Variants in DLGAP4 observed in about 807,000 individuals in gnomAD.
DLGAP4 encodes the protein disks large-associated protein 4.
Under a neutral mutation model 86.9 loss-of-function variants are expected in DLGAP4, and 18 were observed. The observed-to-expected ratio is 0.21, with a 90% CI of 0.14 to 0.31. The LOEUF (loss-of-function observed/expected upper bound fraction) is 0.31, where lower values mean the gene tolerates loss of function less well. Among genes scored for constraint, DLGAP4 ranks in the 10% least tolerant of loss-of-function variants. The pLI is 1.00. For missense variants in DLGAP4, 1,085 were observed against 1,362.6 expected (o/e 0.80, Z 3.21); for synonymous variants, 548 against 574.3 (o/e 0.95, Z 0.65).
chr20:36,462,326 C>A, intron 7 of DLGAP4: 1 of 1,353,324 alleles, frequency 7.4e-7, no homozygotes, highest in Non-Finnish European at 9.4e-7. Flanking sequence ...TTCTCGGGAT[C>A]GGGGTCCCCT....
At chr20:36,461,744 T>TCCGTCCGTCCGC in intron 7 of DLGAP4, 2 of 899,810 alleles carry the variant, frequency 2.2e-6, no homozygotes, top group South Asian at 1.1e-4. Context: ...CGTCCGTCCG[T>TCCGTCCGTCCGC]CCGTCCGCCC....
intron 6 of DLGAP4, 57 bp downstream of exon 6, chr20:36,442,834 A>G: frequency 6.2e-7 from 1 of 1,609,720 alleles, no homozygotes; most frequent in South Asian, 1.1e-5. Context: ...CCTGGGCCTT[A>G]GGCCTGCCCT....
At chr20:36,507,343 T>C (rs535739868) in intron 10 of DLGAP4, among the ~76,000 whole-genome samples, 47 of 152,258 alleles carry the variant, frequency 3.1e-4, no homozygotes, top group African/African-American at 9.9e-4. Flanking sequence ...TTCTCGTGCC[T>C]CAGCCTCCTG....
At chr20:36,317,223 T>TTTCTTTCTTTCTTTCTTTC (rs2065109374) in intron 1 of DLGAP4, among the ~76,000 whole-genome samples, 1 of 93,716 alleles carries the variant, frequency 1.1e-5, no homozygotes, top group African/African-American at 4.0e-5. Flanking sequence ...TCCTCTCCTT[T>TTTCTTTCTTTCTTTCTTTC]TTTCTTTCTT....
At chr20:36,369,878 C>G (rs537839524) in intron 2 of DLGAP4, among the ~76,000 whole-genome samples, 23 of 152,218 alleles carry the variant, frequency 1.5e-4, no homozygotes, top group African/African-American at 5.3e-4. Flanking sequence ...TTTTTTATCT[C>G]CTTGAATCCT....
At chr20:36,413,993 G>C (rs141748056) in intron 2 of DLGAP4, among the ~76,000 whole-genome samples, 1 of 152,168 alleles carries the variant, frequency 6.6e-6, no homozygotes, top group African/African-American at 2.4e-5. Flanking sequence ...GGTCAAATAG[G>C]GTCCAGACCT....
chr20:36,349,986 G>A (rs1414421126), intron 1 of DLGAP4, among the ~76,000 whole-genome samples: 1 of 152,150 alleles, frequency 6.6e-6, no homozygotes, highest in Non-Finnish European at 1.5e-5. Flanking sequence ...GCCCCATCAG[G>A]CACAGCTGTG....
intron 2 of DLGAP4, among the ~76,000 whole-genome samples, chr20:36,417,069 A>T (rs1239358894): frequency 6.6e-6 from 1 of 152,196 alleles, no homozygotes. Context: ...GTGAGGAGCC[A>T]AGCAGGATAA....
At position 36,476,687 on chromosome 20, in the gene DLGAP4, AT is replaced by A. The variant is rs74173983; in HGVS notation, c.1649-20002del. ...TCTAGGTATCTCATTCACTAGCCCAATTTTTTTTTTTTTTTTGGTTTTTTTT... is the reference window on the plus strand; with the variant it reads ...TCTAGGTATCTCATTCACTAGCCCAATTTTTTTTTTTTTTTGGTTTTTTTT... On this transcript the variant is annotated intron_variant, in intron 7 of 12. Coordinates refer to ENST00000339266, the MANE Select transcript of DLGAP4 (RefSeq NM_001365621.2). 1.5e-3 allele frequency among the ~76,000 whole-genome samples: 133 copies of A among 91,552 alleles called. 1 individual carries two copies. The highest frequency in any genetic ancestry group is 4.6e-3 in the African/African-American group (95 of 20,814). 60.1% of individuals were successfully genotyped at this position (91,552 alleles called of 152,430 possible). A position where few individuals can be genotyped will look rare whatever the true frequency, so the allele number is the denominator to read the frequency against.
intron 1 of DLGAP4, among the ~76,000 whole-genome samples, chr20:36,339,555 TA>T (rs1348747235): frequency 6.6e-6 from 1 of 152,196 alleles, no homozygotes; most frequent in African/African-American, 2.4e-5. Context: ...TAATGTTTTT[TA>T]AAAAAATTTT....
intron 2 of DLGAP4, among the ~76,000 whole-genome samples, chr20:36,423,557 T>C (rs571130035): frequency 6.6e-6 from 1 of 151,674 alleles, no homozygotes; most frequent in African/African-American, 2.4e-5. Flanking sequence ...CCTGGAAGCT[T>C]TGGCCTGTCC....
chr20:36,314,038 G>A (rs1216800270), intron 1 of DLGAP4, among the ~76,000 whole-genome samples: 1 of 152,110 alleles, frequency 6.6e-6, no homozygotes. Flanking sequence ...GTGAAGGGGT[G>A]TCGGCATCTG....
intron 3 of DLGAP4, among the ~76,000 whole-genome samples, chr20:36,433,946 A>AT (rs796868709): frequency 0.012 from 1,631 of 136,676 alleles, 13 homozygotes; most frequent in African/African-American, 0.023. Flanking sequence ...GCACCCAGCA[A>AT]TTTTTTTTTT....
Position 36,528,270 on chromosome 20 carries a change from A to G in DLGAP4, c.*1239A>G, listed in dbSNP as rs1296273581. The G allele has an allele frequency of 1.4e-5, 2 of 138,596 alleles. No homozygotes were observed. Among genetic ancestry groups the G allele is most frequent in the African/African-American group, 5.5e-5 (2 of 36,130 alleles). The allele number at this position is 138,596 out of a possible 1,614,324, so 8.6% of individuals were successfully genotyped here. On this transcript the variant is annotated 3_prime_UTR_variant, in exon 13 of 13. Coordinates refer to ENST00000339266, the MANE Select transcript of DLGAP4 (RefSeq NM_001365621.2). ...TCTCTCTCTCCTGCCCCCGCATCCCACTCCCAGGGTGTCACGAGCCCTGAG... is the reference window on the plus strand; with the variant it reads ...TCTCTCTCTCCTGCCCCCGCATCCCGCTCCCAGGGTGTCACGAGCCCTGAG...
chr20:36,345,288 C>T (rs2029902416), intron 1 of DLGAP4, among the ~76,000 whole-genome samples: 1 of 152,162 alleles, frequency 6.6e-6, no homozygotes. Flanking sequence ...TTTCCTTCCT[C>T]ACAGGTGCCA....
At chr20:36,464,200 T>C (rs1355779677) in intron 7 of DLGAP4, among the ~76,000 whole-genome samples, 1 of 152,202 alleles carries the variant, frequency 6.6e-6, no homozygotes. Flanking sequence ...CCTTTGGGCT[T>C]CAGCTTCCTA....
chr20:36,314,331 C>CGT lies in DLGAP4; in HGVS notation c.-304+7841_-304+7842dup, dbSNP rs1159613593. On this transcript the variant is annotated intron_variant, in intron 1 of 12. Transcript: ENST00000339266. The stretch of plus-strand genomic sequence containing the variant: ...GTCCTTCCCACTCCCTGTGTGTGTG[C>CGT]GTGTGTGTGTGTGTGTGTGTGTGGT... Among the ~76,000 whole-genome samples the CGT allele has an allele frequency of 2.6e-4, 29 of 110,734 alleles. 3 individuals carry two copies. Among genetic ancestry groups the CGT allele is most frequent in the African/African-American group, 1.1e-3 (25 of 21,866 alleles). 72.6% of individuals were successfully genotyped at this position (110,734 alleles called of 152,430 possible).
At position 36,431,945 on chromosome 20, in the gene DLGAP4, C is replaced by T. The variant is rs368943665; in HGVS notation, c.228C>T (p.Tyr76=). 13 of 1,614,124 alleles carry T rather than the reference C, an allele frequency of 8.1e-6. No homozygotes were observed. The highest frequency in any genetic ancestry group is 4.5e-5 in the East Asian group (2 of 44,898). ...GCAGCACCTTTCCCCGCATCCACTA[C>T]AACTCCCACTTCGAGGTGCCAGAGG... ...PPSSTFPRIH[Y]NSHFEVPEES... The change falls in exon 3 of 13, where the codon TAC becomes TAT. Residue 76 remains tyrosine, a synonymous_variant. Coordinates refer to ENST00000339266, the MANE Select transcript of DLGAP4 (RefSeq NM_001365621.2). This position sits in a 1 kb window ranked among gnomAD's most constrained non-coding sequence, Gnocchi z 5.1.
At chr20:36,480,507 C>G (rs2035139507) in intron 7 of DLGAP4, among the ~76,000 whole-genome samples, 1 of 151,834 alleles carries the variant, frequency 6.6e-6, no homozygotes, top group Non-Finnish European at 1.5e-5. Flanking sequence ...AGTTTGAGAT[C>G]AGTCTGGGCA....
Sources: gnomAD v4.1 joint callset for allele counts (sites outside exome capture counted in the v4.1 genomes callset) on GRCh38, gnomAD v4.1.1 for gene constraint, Gnocchi (gnomAD v3.1) non-coding constraint, MANE v1.5 for transcripts, NCBI Gene and HGNC (gene_info 2026-07-23, HGNC 2026-07-21) for gene names.